The following DCTD variants were observed in gnomAD, a reference collection of about 807,000 sequenced individuals.
The protein encoded by DCTD is dCMP deaminase.
DCTD carries 23 observed loss-of-function variants against 21.0 expected under a neutral mutation model. The ratio of observed to expected loss-of-function variants is 1.09; its 90% CI spans 0.79 to 1.55. The LOEUF (loss-of-function observed/expected upper bound fraction) is 1.55. Ranked by LOEUF, DCTD falls within the 40% of genes most tolerant of loss-of-function variation. DCTD has a pLI of 0.00. For synonymous variants in DCTD, 71 were observed against 81.1 expected, an observed-to-expected ratio of 0.88 and a Z score of 0.67; for missense variants, 224 against 230.0, an observed-to-expected ratio of 0.97 and a Z score of 0.17.
intron 3 of DCTD, among the ~76,000 whole-genome samples, chr4:182,908,914 C>T (rs1737215008): frequency 6.6e-6 from 1 of 152,066 alleles, no homozygotes; most frequent in Non-Finnish European, 1.5e-5. Flanking sequence ...AACCCTGGAA[C>T]CACTACTTTA....
chr4:182,892,602 C>T (rs2152853908), intron 5 of DCTD, among the ~76,000 whole-genome samples: 1 of 149,982 alleles, frequency 6.7e-6, no homozygotes. Context: ...GCACTCTAGC[C>T]TGGTGACAGA....
At chr4:182,905,636 G>C (rs758280564) in intron 3 of DCTD, among the ~76,000 whole-genome samples, 2 of 151,892 alleles carry the variant, frequency 1.3e-5, no homozygotes, top group Non-Finnish European at 2.9e-5. Flanking sequence ...TCCTTCTCAC[G>C]GGCCCTTCTT....
chr4:182,901,996 T>A (rs1735837203), intron 3 of DCTD, among the ~76,000 whole-genome samples: 1 of 152,140 alleles, frequency 6.6e-6, no homozygotes, highest in African/African-American at 2.4e-5. Flanking sequence ...AAACTTCCGC[T>A]GAGGGATGGG....
chr4:182,917,141 G>T lies in DCTD; in HGVS notation c.-8+170C>A. 1 of 962,922 alleles carries T rather than the reference G, an allele frequency of 1.0e-6. No homozygotes were observed. Among genetic ancestry groups the T allele is most frequent in the Non-Finnish European group, 1.2e-6 (1 of 810,788 alleles). The allele number at this position is 962,922 out of a possible 1,614,324, so 59.6% of individuals were successfully genotyped here. On this transcript the variant is annotated intron_variant, in intron 1 of 5. Coordinates refer to ENST00000438320, the MANE Select transcript of DCTD (RefSeq NM_001921.3). The surrounding 1 kb of genome is among the most constrained non-coding windows in gnomAD (Gnocchi z 4.9). Reference sequence around the variant, plus strand: ...CGGGGACCCCGAGCGCCCCCACCCCGCCCGCATTCTCCGATCTAAAGGCTG... The same window carrying T: ...CGGGGACCCCGAGCGCCCCCACCCCTCCCGCATTCTCCGATCTAAAGGCTG...
chr4:182,912,889 G>GT, intron 3 of DCTD, among the ~76,000 whole-genome samples: 1 of 152,258 alleles, frequency 6.6e-6, no homozygotes, highest in Admixed American at 6.5e-5. Flanking sequence ...CCAACCACGG[G>GT]TATCTTTTGC....
intron 5 of DCTD, 135 bp downstream of exon 5, chr4:182,892,896 T>G (rs975538470): frequency 3.1e-6 from 2 of 638,186 alleles, no homozygotes. Flanking sequence ...AGTCTTTAAA[T>G]TCTTATGCCC....
At chr4:182,911,731 T>C (rs1737717208) in intron 3 of DCTD, among the ~76,000 whole-genome samples, 1 of 152,196 alleles carries the variant, frequency 6.6e-6, no homozygotes, top group East Asian at 1.9e-4. Context: ...TCCAAGCATA[T>C]CCACAACTGG....
intron 1 of DCTD, chr4:182,916,963 A>T (rs1218146882): frequency 1.0e-6 from 1 of 994,682 alleles, no homozygotes; most frequent in East Asian, 1.1e-4. Flanking sequence ...GTCAGCTCTG[A>T]TCCAGGGCCT....
chr4:182,916,485 T>G (rs1415151354), intron 1 of DCTD: 3 of 985,506 alleles, frequency 3.0e-6, no homozygotes, highest in East Asian at 2.3e-4. Flanking sequence ...CCAAAACTTC[T>G]GCTTCAGGCT....
intron 3 of DCTD, among the ~76,000 whole-genome samples, chr4:182,912,709 C>T (rs1737920481): frequency 6.6e-6 from 1 of 152,178 alleles, no homozygotes; most frequent in Non-Finnish European, 1.5e-5. Context: ...CACGGGAAGT[C>T]AGGAGAGCTG....
intron 3 of DCTD, among the ~76,000 whole-genome samples, chr4:182,910,037 G>A (rs1737396616): frequency 6.6e-6 from 1 of 152,108 alleles, no homozygotes; most frequent in Non-Finnish European, 1.5e-5. Flanking sequence ...AACTGACTCG[G>A]GTAAGAGCCC....
At position 182,913,191 on chromosome 4, in the gene DCTD, C is replaced by T. The variant is rs150089074; in HGVS notation, c.244+1732G>A. On this transcript the variant is annotated intron_variant, in intron 3 of 5. Coordinates refer to ENST00000438320, the MANE Select transcript of DCTD (RefSeq NM_001921.3). The stretch of plus-strand genomic sequence containing the variant: ...AAAATCAGGGTGACAGTTTCTGAGT[C>T]CGCGCATTTTTCTAATTAGTCATCC... Among the ~76,000 whole-genome samples the T allele has an allele frequency of 3.5e-3, 527 of 152,272 alleles. 4 individuals carry two copies. The highest frequency in any genetic ancestry group is 0.012 in the African/African-American group (491 of 41,554).
In DCTD at chr4:182,891,470, T is replaced by A. The variant is rs747908932; in HGVS notation, c.466A>T (p.Ile156Leu). Residue 156 changes from isoleucine (I) to leucine (L), a missense_variant, in exon 6 of 6, where the codon ATA becomes TTA. By Grantham distance (5) the Ile-to-Leu change is conservative. Transcript: ENST00000438320. ...NMAGVTFRKF[I>L]PKCSKIVIDF... ...ATGACAATCTTGCTGCACTTCGGTA[T>A]GAATTTCCTAAAAATAAAAACAAAA... 5.6e-6 allele frequency: 9 copies of A among 1,608,256 alleles called. No individual in the cohort carries two copies. Among genetic ancestry groups the A allele is most frequent in the Non-Finnish European group, 7.7e-6 (9 of 1,175,136 alleles).
rs1372744773 is a variant in DCTD at position 182,917,214 on chromosome 4, G to A, written c.-8+97C>T. 8 of 994,200 alleles carry A rather than the reference G, an allele frequency of 8.0e-6. No homozygotes were observed. Among genetic ancestry groups the A allele is most frequent in the Non-Finnish European group, 8.4e-6 (7 of 836,816 alleles). The allele number at this position is 994,200 out of a possible 1,614,324, so 61.6% of individuals were successfully genotyped here. ...CGTCCGCGGCCCCAGGCCCCCGCCC[G>A]GCAGCCAGCGCCCCGCGCCACGCGC... On this transcript the variant is annotated intron_variant, in intron 1 of 5. Transcript: ENST00000438320. The surrounding 1 kb of genome is among the most constrained non-coding windows in gnomAD (Gnocchi z 4.9).
chr4:182,891,318 G>A lies in DCTD; in HGVS notation c.*81C>T. 1.1e-6 allele frequency: 1 copy of A among 949,692 alleles called. No homozygotes were observed. Among genetic ancestry groups the A allele is most frequent in the Non-Finnish European group, 1.7e-6 (1 of 583,498 alleles). 58.8% of individuals were successfully genotyped at this position (949,692 alleles called of 1,614,324 possible). A position where few individuals can be genotyped will look rare whatever the true frequency, so the allele number is the denominator to read the frequency against. ...GCCATACTGGCTAGTAAGAAGTTAT[G>A]TGTAACTTCAAGATGAAAGGCATTA... On this transcript the variant is annotated 3_prime_UTR_variant, in exon 6 of 6. Transcript: ENST00000438320.
intron 3 of DCTD, among the ~76,000 whole-genome samples, chr4:182,908,018 G>A (rs1261344097): frequency 1.3e-5 from 2 of 150,800 alleles, no homozygotes; most frequent in Non-Finnish European, 2.9e-5. Context: ...TTACAGACAT[G>A]CATATCCCTA....
intron 2 of DCTD, 152 bp from the exon 3 acceptor site, chr4:182,915,210 T>C: frequency 9.6e-7 from 1 of 1,046,762 alleles, no homozygotes; most frequent in Admixed American, 2.3e-5. Flanking sequence ...GCCTGGTTTT[T>C]TGTGGCAGCA....
At chr4:182,903,477 G>C (rs942891550) in intron 3 of DCTD, among the ~76,000 whole-genome samples, 1 of 152,174 alleles carries the variant, frequency 6.6e-6, no homozygotes, top group African/African-American at 2.4e-5. Flanking sequence ...CGAGAAACGG[G>C]GGTGATGTGG....
At chr4:182,903,817 C>G in intron 3 of DCTD, among the ~76,000 whole-genome samples, 1 of 152,302 alleles carries the variant, frequency 6.6e-6, no homozygotes, top group Admixed American at 6.5e-5. Flanking sequence ...CTACCATGTC[C>G]TCACACACTG....
Sources: allele counts gnomAD v4.1 joint callset (sites outside exome capture counted in the v4.1 genomes callset), GRCh38; gene constraint gnomAD v4.1.1; non-coding constraint Gnocchi (gnomAD v3.1); transcripts MANE v1.5; gene names NCBI Gene and HGNC (gene_info 2026-07-23, HGNC 2026-07-21).